The following TBC1D15 variants were observed in gnomAD, a reference collection of about 807,000 sequenced individuals.
TBC1D15 encodes TBC1 domain family member 15, also known as GAP for RAB7.
Under a neutral mutation model 95.4 loss-of-function variants are expected in TBC1D15, and 39 were observed. The ratio of observed to expected loss-of-function variants is 0.41; its 90% CI spans 0.32 to 0.53. The LOEUF (loss-of-function observed/expected upper bound fraction) is 0.53, where lower values mean the gene tolerates loss of function less well. Among genes scored for constraint, TBC1D15 ranks in the 20% least tolerant of loss-of-function variants. The pLI is 0.29. For missense variants in TBC1D15, 733 were observed against 794.3 expected (o/e 0.92, Z 0.93); for synonymous variants, 258 against 261.3 (o/e 0.99, Z 0.12).
chr12:71,854,579 G>T (rs750980751), intron 1 of TBC1D15: 1 of 456,620 alleles, frequency 2.2e-6, no homozygotes, highest in South Asian at 1.5e-5. Flanking sequence ...TTATCAGCAA[G>T]ATATTCAAGA....
At chr12:71,875,337 CTT>C (rs1322714710) in intron 3 of TBC1D15, among the ~76,000 whole-genome samples, 1 of 152,076 alleles carries the variant, frequency 6.6e-6, no homozygotes. Context: ...TGTTTTTTCA[CTT>C]TCTTTTTGGT....
chr12:71,852,739 T>G (rs763290134), intron 1 of TBC1D15, among the ~76,000 whole-genome samples: 2 of 152,188 alleles, frequency 1.3e-5, no homozygotes, highest in Non-Finnish European at 2.9e-5. Context: ...TGCTAAGACA[T>G]AGCAAAAGTG....
At chr12:71,875,059 C>G (rs886742210) in intron 3 of TBC1D15, among the ~76,000 whole-genome samples, 1 of 152,132 alleles carries the variant, frequency 6.6e-6, no homozygotes, top group Non-Finnish European at 1.5e-5. Flanking sequence ...CCACCTCAGC[C>G]TCCCAAATAG....
At chr12:71,915,554 C>T (rs148941940) in intron 12 of TBC1D15, among the ~76,000 whole-genome samples, 1 of 151,268 alleles carries the variant, frequency 6.6e-6, no homozygotes, top group Non-Finnish European at 1.5e-5. Context: ...TATATATTGA[C>T]ATATAATGCC....
At position 71,841,606 on chromosome 12, in the gene TBC1D15, A is replaced by G. The variant is rs79574342; in HGVS notation, c.30+1795A>G. 5.3e-3 allele frequency among the ~76,000 whole-genome samples: 812 copies of G among 152,222 alleles called. 12 individuals carry two copies. Among genetic ancestry groups the G allele is most frequent in the African/African-American group, 0.018 (754 of 41,520 alleles). On this transcript the variant is annotated intron_variant, in intron 1 of 16. Transcript: ENST00000485960. ...CTATAACACTCTCTAATCAATAACC[A>G]TGTCCTACCAGTTTTACCTTAAGAG...
At chr12:71,857,069 T>C in intron 1 of TBC1D15, among the ~76,000 whole-genome samples, 1 of 151,728 alleles carries the variant, frequency 6.6e-6, no homozygotes, top group East Asian at 1.9e-4. Context: ...TTTGAAGCTT[T>C]CTTTTAAAAT....
intron 5 of TBC1D15, among the ~76,000 whole-genome samples, chr12:71,886,912 C>T (rs568156656): frequency 6.6e-6 from 1 of 152,126 alleles, no homozygotes; most frequent in South Asian, 2.1e-4. Context: ...CAAATGAGAT[C>T]ATTTGGTCTG....
chr12:71,844,795 T>A (rs1885902264), intron 1 of TBC1D15, among the ~76,000 whole-genome samples: 1 of 152,252 alleles, frequency 6.6e-6, no homozygotes, highest in Non-Finnish European at 1.5e-5. Flanking sequence ...TTCTCTGCAT[T>A]CCTCTATTAC....
At chr12:71,897,520 CT>C (rs1418862360) in intron 9 of TBC1D15, among the ~76,000 whole-genome samples, 1 of 151,686 alleles carries the variant, frequency 6.6e-6, no homozygotes, top group East Asian at 1.9e-4. Context: ...TATTTGGAAA[CT>C]TTAGTGGTTA....
At chr12:71,918,587 A>G in intron 14 of TBC1D15, 39 bp downstream of exon 14, 1 of 1,281,394 alleles carries the variant, frequency 7.8e-7, no homozygotes, top group East Asian at 2.3e-5. Flanking sequence ...GATATTTATT[A>G]TGAAAAGAAA....
At chr12:71,855,400 A>G (rs1888799472) in intron 1 of TBC1D15, among the ~76,000 whole-genome samples, 1 of 152,272 alleles carries the variant, frequency 6.6e-6, no homozygotes. Context: ...ATATAGCTGA[A>G]TGAATCATAA....
chr12:71,915,461 A>AAC (rs1365907990), intron 12 of TBC1D15, among the ~76,000 whole-genome samples: 246 of 151,896 alleles, frequency 1.6e-3, no homozygotes, highest in African/African-American at 5.8e-3. Context: ...AAAAAAAAAA[A>AAC]AAAACACAAC....
rs755519177 is a variant in TBC1D15, at chr12:71,896,045, A to G, written c.954A>G (p.Val318=). The G allele has an allele frequency of 1.9e-6, 3 of 1,611,346 alleles. No individual in the cohort carries two copies. Among genetic ancestry groups the G allele is most frequent in the East Asian group, 4.5e-5 (2 of 44,814 alleles). ...NIDSEGRILN[V]DNMKQMIFRG... ...ATTCTGAAGGAAGAATTTTAAATGT[A>G]GATAATATGAAGCAGATGATATTTA... Residue 318 remains valine (V), a synonymous_variant, in exon 8 of 17, where the codon GTA becomes GTG. Coordinates refer to ENST00000485960, the MANE Select transcript of TBC1D15 (RefSeq NM_001146213.3).
intron 5 of TBC1D15, among the ~76,000 whole-genome samples, chr12:71,888,894 A>G (rs1896744040): frequency 7.6e-6 from 1 of 131,516 alleles, no homozygotes; most frequent in South Asian, 2.3e-4. Flanking sequence ...TTGAATGCCT[A>G]CTGTGTCTTA....
intron 1 of TBC1D15, among the ~76,000 whole-genome samples, chr12:71,843,286 A>G (rs542134099): frequency 6.6e-6 from 1 of 152,126 alleles, no homozygotes; most frequent in Non-Finnish European, 1.5e-5. Context: ...AAAGAAAATT[A>G]CTTGAAACAA....
At chr12:71,849,440 G>T in intron 1 of TBC1D15, 1 of 1,116,182 alleles carries the variant, frequency 9.0e-7, no homozygotes, top group Non-Finnish European at 1.4e-6. Context: ...ACACTCCATG[G>T]GCCTCTTCAA....
chr12:71,910,921 T>G (rs1902096252), intron 11 of TBC1D15, among the ~76,000 whole-genome samples: 1 of 151,968 alleles, frequency 6.6e-6, no homozygotes, highest in African/African-American at 2.4e-5. Flanking sequence ...TTGAACAAAT[T>G]TACAAGAAAA....
In TBC1D15 at chr12:71,913,856, C is replaced by T; in HGVS notation, c.1331C>T (p.Ser444Phe). 5.0e-6 allele frequency: 8 copies of T among 1,585,268 alleles called. No homozygotes were observed. The highest frequency in any genetic ancestry group is 6.0e-6 in the Non-Finnish European group (7 of 1,171,196). ...GTTCAAGGAATGAGTGATTTACTTT[C>T]CCCTCTTTTATATGTGATGGAAAAT... Reference protein sequence around the residue: ...GYVQGMSDLLSPLLYVMENEV... With the variant: ...GYVQGMSDLLFPLLYVMENEV... Residue 444 changes from serine (S) to phenylalanine (F), a missense_variant, in exon 12 of 17, where the codon TCC becomes TTC. By Grantham distance (155) the Ser-to-Phe change is radical. Coordinates refer to ENST00000485960, the MANE Select transcript of TBC1D15 (RefSeq NM_001146213.3).
chr12:71,850,429 A>C (rs2137916989), intron 1 of TBC1D15: 1 of 243,380 alleles, frequency 4.1e-6, no homozygotes, highest in South Asian at 4.8e-5. Flanking sequence ...AGCCACAGGC[A>C]GTCGCAGAGT....
Sources: allele counts gnomAD v4.1 joint callset (sites outside exome capture counted in the v4.1 genomes callset), GRCh38; gene constraint gnomAD v4.1.1; transcripts MANE v1.5; gene names NCBI Gene and HGNC (gene_info 2026-07-23, HGNC 2026-07-21).